ADAMTS15: variants seen among roughly 807,000 people sequenced by gnomAD.
The protein encoded by ADAMTS15 is ADAM metallopeptidase with thrombospondin type 1 motif 15.
In ADAMTS15, 35 loss-of-function variants were observed where a neutral mutation model predicts 79.1. The ratio of observed to expected loss-of-function variants is 0.44; its 90% confidence interval spans 0.34 to 0.59. ADAMTS15 has a LOEUF of 0.59. Ranked by LOEUF, ADAMTS15 falls within the 20% of genes least tolerant of loss-of-function variation. The probability of loss-of-function intolerance (pLI) is 0.02; values close to 1 mark genes in which losing one functional copy is unlikely to be tolerated. For synonymous variants in ADAMTS15, 616 were observed against 567.3 expected, an observed-to-expected ratio of 1.09 and a Z score of -1.22; for missense variants, 1,324 against 1,318.7, an observed-to-expected ratio of 1.00 and a Z score of -0.06.
intron 5 of ADAMTS15, among the ~76,000 whole-genome samples, chr11:130,470,175 T>TAC (rs1938412361): frequency 1.7e-5 from 1 of 58,406 alleles, no homozygotes; most frequent in Non-Finnish European, 3.2e-5. Flanking sequence ...TATATATATA[T>TAC]ATATATGTGT....
In ADAMTS15 at chr11:130,474,052, C is replaced by T. The variant is rs546819147; in HGVS notation, c.*231C>T. The T allele has an allele frequency of 1.3e-4, 71 of 553,086 alleles. 1 individual carries two copies. The South Asian group carries it at 1.5e-3, about 12-fold the overall frequency. 34.3% of individuals were successfully genotyped at this position (553,086 alleles called of 1,614,324 possible). A position where few individuals can be genotyped will look rare whatever the true frequency, so the allele number is the denominator to read the frequency against. On this transcript the variant is annotated 3_prime_UTR_variant, in exon 8 of 8. Coordinates refer to ENST00000299164, the MANE Select transcript of ADAMTS15 (RefSeq NM_139055.4). ...CTACCTCAGGCCCCGCTCCTCGGGC[C>T]GGTTGCGGGGAGAGGCTTTGAGGTG...
intron 4 of ADAMTS15, among the ~76,000 whole-genome samples, chr11:130,466,305 A>G (rs1276602262): frequency 6.6e-6 from 1 of 152,058 alleles, no homozygotes; most frequent in Non-Finnish European, 1.5e-5. Flanking sequence ...AAGACTCCCA[A>G]ATTTGCATCT....
intron 7 of ADAMTS15, among the ~76,000 whole-genome samples, 177 bp downstream of exon 7, chr11:130,471,560 CTCATTCATTCAT>C (rs201979154): frequency 6.6e-6 from 1 of 152,096 alleles, no homozygotes; most frequent in Non-Finnish European, 1.5e-5. Flanking sequence ...CATTCATTCA[CTCATTCATTCAT>C]TCATTCATTC....
intron 4 of ADAMTS15, among the ~76,000 whole-genome samples, chr11:130,464,384 A>T (rs1044544974): frequency 2.0e-5 from 3 of 152,118 alleles, no homozygotes; most frequent in African/African-American, 7.2e-5. Flanking sequence ...GGAAACCTTC[A>T]TGGAAGTCAT....
intron 7 of ADAMTS15, among the ~76,000 whole-genome samples, chr11:130,471,912 C>T (rs1174478843): frequency 6.6e-6 from 1 of 152,254 alleles, no homozygotes; most frequent in Non-Finnish European, 1.5e-5. Flanking sequence ...CTCCCTGGGC[C>T]TGAGGCCCTG....
intron 4 of ADAMTS15, among the ~76,000 whole-genome samples, chr11:130,467,791 A>G (rs1938333051): frequency 6.6e-6 from 1 of 152,128 alleles, no homozygotes; most frequent in Non-Finnish European, 1.5e-5. Context: ...CTAAAAAAAA[A>G]AAAAAGTCCT....
Position 130,473,750 on chromosome 11 carries a change from C to G in ADAMTS15, c.2782C>G (p.Leu928Val), listed in dbSNP as rs781374155. ...GTGTGTGGGCCACGGAGGCCGGCTG[C>G]TGGCCCGGGACCAGTGCAACTTGCA... ...LKCVGHGGRL[L>V]ARDQCNLHRK... Residue 928 changes from leucine (L) to valine (V), a missense_variant, in exon 8 of 8, where the codon CTG becomes GTG. Coordinates refer to ENST00000299164, the MANE Select transcript of ADAMTS15 (RefSeq NM_139055.4). The G allele has an allele frequency of 6.3e-7, 1 of 1,599,436 alleles. No individual in the cohort carries two copies. Among genetic ancestry groups the G allele is most frequent in the Non-Finnish European group, 8.5e-7 (1 of 1,179,868 alleles).
At position 130,449,390 on chromosome 11, in the gene ADAMTS15, G is replaced by T; in HGVS notation, c.417G>T (p.Leu139=). 1 of 1,601,988 alleles carries T rather than the reference G, an allele frequency of 6.2e-7. No individual in the cohort carries two copies. The part of the protein sequence containing the change: ...YRGAEYVISP[L]PNASAPAAQR... ...GCGCCGAGTATGTCATTAGCCCGCT[G>T]CCCAATGCTAGCGCGCCGGCGGCGC... The change falls in exon 1 of 8, where the codon CTG becomes CTT. Residue 139 remains leucine (L), a synonymous_variant. Transcript: ENST00000299164. This position sits in a 1 kb window ranked among gnomAD's most constrained non-coding sequence, Gnocchi z 7.8.
intron 1 of ADAMTS15, among the ~76,000 whole-genome samples, chr11:130,457,565 A>G (rs1938111733): frequency 6.6e-6 from 1 of 152,240 alleles, no homozygotes; most frequent in African/African-American, 2.4e-5. Flanking sequence ...AAGTGGCTGC[A>G]GCTACAAAGA....
chr11:130,455,561 A>G (rs1938058855), intron 1 of ADAMTS15, among the ~76,000 whole-genome samples: 1 of 152,226 alleles, frequency 6.6e-6, no homozygotes, highest in Admixed American at 6.5e-5. Context: ...CTGGATGCTT[A>G]GGTAGCTCAC....
At chr11:130,470,156 A>ATACATATATATATATATATATGTG (rs1938402664) in intron 5 of ADAMTS15, among the ~76,000 whole-genome samples, 2 of 44,420 alleles carry the variant, frequency 4.5e-5, no homozygotes, top group African/African-American at 1.9e-4. Context: ...ATATATGTGT[A>ATACATATATATATATATATATGTG]TATATATATA....
chr11:130,450,747 C>T (rs1229623330), intron 1 of ADAMTS15, among the ~76,000 whole-genome samples: 1 of 152,160 alleles, frequency 6.6e-6, no homozygotes. Flanking sequence ...CCCGTTTGCC[C>T]AGATGTATAC....
chr11:130,471,394 G>A lies in ADAMTS15; in HGVS notation c.2078+11G>A, dbSNP rs959749140. 8.8e-6 allele frequency: 14 copies of A among 1,597,190 alleles called. No individual in the cohort carries two copies. The South Asian group carries it at 1.4e-4, about 16-fold the overall frequency. ...CTTCACCAAGCCCATGTGAGTTCTG[G>A]GCCCTGAAGGTCCTGCCAGGGAGCA... On this transcript the variant is annotated intron_variant, in intron 7 of 7. Transcript: ENST00000299164.
In ADAMTS15 at chr11:130,462,703, G is replaced by A. The variant is rs772185692; in HGVS notation, c.1465G>A (p.Asp489Asn). ...VCQTRHFPWA[D>N]GTSCGEGKLC... is the part of the protein sequence containing the mutation. ...CCAGACCCGCCACTTCCCCTGGGCC[G>A]ATGGCACCAGCTGTGGCGAGGGCAA... Residue 489 changes from aspartate to asparagine, a missense_variant, in exon 4 of 8, where the codon GAT becomes AAT. Asp to Asn is a conservative substitution (Grantham distance 23). Transcript: ENST00000299164. This position sits in a 1 kb window ranked among gnomAD's most constrained non-coding sequence, Gnocchi z 4.3. The A allele has an allele frequency of 1.9e-6, 3 of 1,612,672 alleles. No homozygotes were observed. Among genetic ancestry groups the A allele is most frequent in the Admixed American group, 1.7e-5 (1 of 60,012 alleles).
At position 130,471,232 on chromosome 11, in the gene ADAMTS15, C is replaced by A. The variant is rs1398624837; in HGVS notation, c.1927C>A (p.Pro643Thr). The A allele has an allele frequency of 6.2e-7, 1 of 1,607,242 alleles. No homozygotes were observed. The highest frequency in any genetic ancestry group is 1.3e-5 in the African/African-American group (1 of 74,512). Residue 643 changes from proline (P) to threonine (T), a missense_variant, in exon 7 of 8, where the codon CCT becomes ACT. By Grantham distance (38) the Pro-to-Thr change is conservative. Coordinates refer to ENST00000299164, the MANE Select transcript of ADAMTS15 (RefSeq NM_139055.4). ...GGTGGTGGACGGCACGCTGTGCTCT[C>A]CTGACTCCACCTCCGTCTGTGTCCA... ...PKVVDGTLCS[P>T]DSTSVCVQGK...
intron 1 of ADAMTS15, among the ~76,000 whole-genome samples, chr11:130,452,319 T>C (rs1277845884): frequency 1.3e-5 from 2 of 152,196 alleles, no homozygotes; most frequent in African/African-American, 4.8e-5. Context: ...AAAGTGCACA[T>C]CTGATTTTGC....
chr11:130,467,258 G>A (rs969567942), intron 4 of ADAMTS15, among the ~76,000 whole-genome samples: 1 of 152,154 alleles, frequency 6.6e-6, no homozygotes, highest in Admixed American at 6.5e-5. Flanking sequence ...TGGCCATTGT[G>A]GCTTTTGAGG....
At chr11:130,465,669 A>G (rs942947454) in intron 4 of ADAMTS15, among the ~76,000 whole-genome samples, 1 of 151,938 alleles carries the variant, frequency 6.6e-6, no homozygotes, top group Non-Finnish European at 1.5e-5. Context: ...TGGCCTGCAC[A>G]CTACGAAGGT....
intron 1 of ADAMTS15, among the ~76,000 whole-genome samples, chr11:130,459,777 G>C (rs1938161377): frequency 6.6e-6 from 1 of 152,214 alleles, no homozygotes; most frequent in South Asian, 2.1e-4. Context: ...GACTGCTCAG[G>C]TGGTAAACCT....
Sources: allele counts gnomAD v4.1 joint callset (sites outside exome capture counted in the v4.1 genomes callset), GRCh38; gene constraint gnomAD v4.1.1; non-coding constraint Gnocchi (gnomAD v3.1); transcripts MANE v1.5; gene names NCBI Gene and HGNC (gene_info 2026-07-23, HGNC 2026-07-21).